FAT4: variants seen among roughly 807,000 people sequenced by gnomAD.
The protein encoded by FAT4 is FAT atypical cadherin 4.
A neutral mutation model predicts 303.9 loss-of-function variants in FAT4; 84 were observed. The ratio of observed to expected loss-of-function variants is 0.28; its 90% confidence interval spans 0.23 to 0.33. The LOEUF (loss-of-function observed/expected upper bound fraction) is 0.33. Ranked by LOEUF, FAT4 falls within the 10% of genes least tolerant of loss-of-function variation. FAT4 has a pLI of 1.00. For missense variants in FAT4, 6,005 were observed against 6,146.8 expected (o/e 0.98, Z 0.77); for synonymous variants, 2,307 against 2,298.8 (o/e 1.00, Z -0.10).
intron 7 of FAT4, among the ~76,000 whole-genome samples, chr4:125,423,123 A>C (rs1912042): frequency 0.99 from 150,836 of 152,250 alleles, 74,731 homozygotes; most frequent in East Asian, 1. Context: ...GCAGCCTGAG[A>C]TTGCAATATA....
At chr4:125,330,238 T>C (rs1731327385) in intron 2 of FAT4, among the ~76,000 whole-genome samples, 1 of 152,006 alleles carries the variant, frequency 6.6e-6, no homozygotes, top group Non-Finnish European at 1.5e-5. Context: ...TTATCTCACA[T>C]TGCAAATTAG....
chr4:125,486,125 G>T lies in FAT4; in HGVS notation c.12823-1220G>T, dbSNP rs1028281709. Among the ~76,000 whole-genome samples, 4 of 148,620 alleles carry T rather than the reference G, an allele frequency of 2.7e-5. No individual in the cohort carries two copies. In the East Asian group the frequency reaches 8.3e-4, roughly 31 times the overall value. ...TGATGAAATCAATTAGGAGGAAAGA[G>T]CTGGGAGAAGGCTTTTCCTTTTTTT... is the stretch of plus-strand genomic sequence containing the variant. On this transcript the variant is annotated intron_variant, in intron 16 of 17. Transcript: ENST00000394329.
intron 2 of FAT4, among the ~76,000 whole-genome samples, chr4:125,383,151 A>G (rs962399017): frequency 6.6e-6 from 1 of 152,040 alleles, no homozygotes; most frequent in Non-Finnish European, 1.5e-5. Context: ...TGCATTTACA[A>G]CTTGGCTAGC....
intron 2 of FAT4, among the ~76,000 whole-genome samples, chr4:125,389,894 C>T (rs185740079): frequency 1.1e-4 from 17 of 152,290 alleles, no homozygotes; most frequent in Admixed American, 1.1e-3. Context: ...TAAATGCAAA[C>T]TGTTCTTTGT....
chr4:125,481,728 C>T lies in FAT4; in HGVS notation c.12812C>T (p.Thr4271Ile), dbSNP rs770947728. Reference sequence around the variant, plus strand: ...CATATCCAAGAAAGCAGCAATTACACTACTGTGAAGGTGAGATAAAAGCTA... The same window carrying T: ...CATATCCAAGAAAGCAGCAATTACATTACTGTGAAGGTGAGATAAAAGCTA... ...LIHIQESSNY[T>I]TVKIKNGKVY... is the part of the protein sequence containing the mutation. The change falls in exon 16 of 18, where the codon ACT becomes ATT. Residue 4271 changes from threonine (T) to isoleucine (I), a missense_variant. Physicochemically the swap from Thr to Ile is moderately conservative, Grantham distance 89. Coordinates refer to ENST00000394329, the MANE Select transcript of FAT4 (RefSeq NM_001291303.3). The T allele has an allele frequency of 8.7e-6, 14 of 1,613,786 alleles. No homozygotes were observed. The highest frequency in any genetic ancestry group is 1.1e-5 in the Non-Finnish European group (13 of 1,179,800).
chr4:125,466,875 C>T (rs919437751), intron 11 of FAT4, among the ~76,000 whole-genome samples: 1 of 151,422 alleles, frequency 6.6e-6, no homozygotes, highest in Admixed American at 6.6e-5. Flanking sequence ...CCCAGGTTCA[C>T]GCCATTCTCC....
At chr4:125,343,885 C>T (rs1578541948) in intron 2 of FAT4, among the ~76,000 whole-genome samples, 1 of 151,890 alleles carries the variant, frequency 6.6e-6, no homozygotes, top group East Asian at 1.9e-4. Flanking sequence ...ATATTTAATC[C>T]AGGCCTGTGC....
intron 2 of FAT4, among the ~76,000 whole-genome samples, chr4:125,395,691 AC>A (rs1315106669): frequency 1.3e-5 from 2 of 152,104 alleles, no homozygotes; most frequent in African/African-American, 4.8e-5. Flanking sequence ...TAAATAAATG[AC>A]CTATGGAATT....
intron 2 of FAT4, among the ~76,000 whole-genome samples, chr4:125,330,675 C>T (rs1033556859): frequency 6.6e-6 from 1 of 152,134 alleles, no homozygotes; most frequent in Non-Finnish European, 1.5e-5. Context: ...ACATAGTAGA[C>T]ACAATATAAG....
intron 8 of FAT4, among the ~76,000 whole-genome samples, chr4:125,437,616 G>A (rs1233113551): frequency 6.6e-6 from 1 of 152,062 alleles, no homozygotes; most frequent in African/African-American, 2.4e-5. Context: ...AGAGAGGCAG[G>A]TACAACTGAA....
intron 17 of FAT4, among the ~76,000 whole-genome samples, chr4:125,487,880 T>G (rs1727467382): frequency 6.6e-6 from 1 of 152,212 alleles, no homozygotes; most frequent in African/African-American, 2.4e-5. Flanking sequence ...AGGTTGTAAT[T>G]CAGTCCATAG....
In FAT4 at chr4:125,320,069, T is replaced by A. The variant is rs181368820; in HGVS notation, c.3658T>A (p.Ser1220Thr). Residue 1220 changes from serine (S) to threonine (T), a missense_variant, in exon 2 of 18, where the codon TCA becomes ACA. Transcript: ENST00000394329. Reference protein sequence around the residue: ...FLKDFYQATISESAANLTQVL... With the variant: ...FLKDFYQATITESAANLTQVL... ...AAAAGACTTTTACCAAGCTACAATA[T>A]CAGAATCAGCAGCCAATCTGACACA... 2.0e-3 allele frequency: 3,279 copies of A among 1,613,856 alleles called. 45 individuals are homozygous for A. The highest frequency in any genetic ancestry group is 8.7e-4 in the Non-Finnish European group (1,031 of 1,179,920).
intron 2 of FAT4, 30 bp from the exon 3 acceptor site, chr4:125,398,754 A>G: frequency 1.9e-6 from 3 of 1,610,936 alleles, no homozygotes; most frequent in Non-Finnish European, 2.5e-6. Context: ...CGTGGGAGTC[A>G]TTCACACATT....
rs2126076092 is a variant in FAT4 at position 125,468,573 on chromosome 4, A to G, written c.11967A>G (p.Glu3989=). ...GATTTGAGGAGTTATCATACATGGA[A>G]TTTCCAAGCTTGGACCCCAATAACA... ...SYGFEELSYM[E]FPSLDPNNNY... The change falls in exon 12 of 18, where the codon GAA becomes GAG. Residue 3989 remains glutamate, a synonymous_variant. Coordinates refer to ENST00000394329, the MANE Select transcript of FAT4 (RefSeq NM_001291303.3). 6 of 1,614,030 alleles carry G rather than the reference A, an allele frequency of 3.7e-6. No homozygotes were observed. The highest frequency in any genetic ancestry group is 5.1e-6 in the Non-Finnish European group (6 of 1,179,936).
intron 16 of FAT4, among the ~76,000 whole-genome samples, chr4:125,483,674 A>G (rs1185467287): frequency 6.6e-6 from 1 of 152,200 alleles, no homozygotes; most frequent in Non-Finnish European, 1.5e-5. Flanking sequence ...AAAAATGAAT[A>G]ATACAGACCA....
chr4:125,337,875 G>A (rs1445984100), intron 2 of FAT4, among the ~76,000 whole-genome samples: 1 of 152,088 alleles, frequency 6.6e-6, no homozygotes, highest in Non-Finnish European at 1.5e-5. Context: ...ATGACTTGGG[G>A]AAGCTGTCTT....
chr4:125,433,875 T>C (rs538161822), intron 7 of FAT4, among the ~76,000 whole-genome samples: 74 of 152,290 alleles, frequency 4.9e-4, no homozygotes, highest in African/African-American at 1.7e-3. Flanking sequence ...TCCATGCCTG[T>C]GGGTATTCTT....
At chr4:125,417,673 G>A (rs537363140) in intron 7 of FAT4, among the ~76,000 whole-genome samples, 58 of 152,134 alleles carry the variant, frequency 3.8e-4, no homozygotes, top group Non-Finnish European at 6.9e-4. Flanking sequence ...AAATGATGCT[G>A]AAGACCATGA....
Position 125,405,200 on chromosome 4 carries a change from A to G in FAT4, c.5308-1680A>G, listed in dbSNP as rs78728504. Among the ~76,000 whole-genome samples the G allele has an allele frequency of 4.6e-3, 696 of 151,958 alleles. 8 individuals carry two copies. Among genetic ancestry groups the G allele is most frequent in the Non-Finnish European group, 7.5e-3 (509 of 67,904 alleles). On this transcript the variant is annotated intron_variant, in intron 3 of 17. Coordinates refer to ENST00000394329, the MANE Select transcript of FAT4 (RefSeq NM_001291303.3). Reference sequence around the variant, plus strand: ...AAACCTATATCACCTTTTTTTATCTATTCGTTTGTTAATGGCTATTTAGTT... The same window carrying G: ...AAACCTATATCACCTTTTTTTATCTGTTCGTTTGTTAATGGCTATTTAGTT...
Sources: gnomAD v4.1 joint callset for allele counts (sites outside exome capture counted in the v4.1 genomes callset) on GRCh38, gnomAD v4.1.1 for gene constraint, MANE v1.5 for transcripts, NCBI Gene and HGNC (gene_info 2026-07-23, HGNC 2026-07-21) for gene names.